The following LARGE1 variants were observed in gnomAD, a reference collection of about 807,000 sequenced individuals.
LARGE1 encodes the protein xylosyl- and glucuronyltransferase LARGE1.
In LARGE1, 43 loss-of-function variants were observed where a neutral mutation model predicts 87.6. That is an observed-to-expected ratio of 0.49 (90% CI 0.38 to 0.63). LARGE1 has a LOEUF of 0.63. Ranked by LOEUF, LARGE1 falls within the 30% of genes least tolerant of loss-of-function variation. LARGE1 has a pLI of 0.00. For missense variants in LARGE1, 802 were observed against 1,000.2 expected, an observed-to-expected ratio of 0.80 and a Z score of 2.67; for synonymous variants, 434 against 394.6, an observed-to-expected ratio of 1.10 and a Z score of -1.18.
At chr22:33,251,875 G>A (rs1326953665) in intron 11 of LARGE1, among the ~76,000 whole-genome samples, 1 of 152,146 alleles carries the variant, frequency 6.6e-6, no homozygotes, top group Non-Finnish European at 1.5e-5. Flanking sequence ...TGTCTATGGT[G>A]ATCTACCCAG....
the LARGE1 span, among the ~76,000 whole-genome samples, chr22:33,131,015 C>A: frequency 8.9e-6 from 1 of 112,232 alleles, no homozygotes; most frequent in Non-Finnish European, 1.7e-5. Flanking sequence ...GCCTGGGCGA[C>A]AGAGCAAGAC....
In LARGE1 at chr22:33,273,396, C is replaced by T. The variant is rs563082366; in HGVS notation, c.*1031G>A. On this transcript the variant is annotated 3_prime_UTR_variant, in exon 15 of 15. Coordinates refer to ENST00000397394, the MANE Select transcript of LARGE1 (RefSeq NM_133642.5). ...CTTCCTGTAGGTCTCCAGATGGATA[C>T]GTGAATCTTCAGAACTGGGCTTTCA... The T allele has an allele frequency of 1.5e-5, 6 of 398,642 alleles. No homozygotes were observed. The highest frequency in any genetic ancestry group is 4.4e-5 in the Admixed American group (1 of 22,714). The allele number at this position is 398,642 out of a possible 1,614,324, so 24.7% of individuals were successfully genotyped here.
chr22:33,237,729 A>G (rs1926322338), intron 11 of LARGE1, among the ~76,000 whole-genome samples: 1 of 152,200 alleles, frequency 6.6e-6, no homozygotes, highest in Non-Finnish European at 1.5e-5. Context: ...CTCTTCAGGC[A>G]GGTGTGGGTT....
At chr22:33,541,054 C>CGGGGGGGGGGGGGGGGGGGGGGGGGGG (rs57583473) in intron 6 of LARGE1, among the ~76,000 whole-genome samples, 1 of 13,720 alleles carries the variant, frequency 7.3e-5, no homozygotes, top group Non-Finnish European at 1.7e-4. Context: ...TGGTGGGTTG[C>CGGGGGGGGGGGGGGGGGGGGGGGGGGG]GGGGGGGGGG....
At chr22:33,091,721 G>T in the LARGE1 span, among the ~76,000 whole-genome samples, 378 of 152,308 alleles carry the variant, frequency 2.5e-3, 3 homozygotes, top group African/African-American at 8.9e-3. Flanking sequence ...GGTGTGAAAG[G>T]TGATTTAGTC....
At chr22:33,647,011 G>A (rs1184687009) in intron 3 of LARGE1, among the ~76,000 whole-genome samples, 4 of 152,234 alleles carry the variant, frequency 2.6e-5, no homozygotes, top group Admixed American at 6.5e-5. Flanking sequence ...TTATAGGCGT[G>A]AGCCACTGTG....
intron 7 of LARGE1, among the ~76,000 whole-genome samples, chr22:33,427,321 C>T (rs1198884215): frequency 2.6e-5 from 4 of 152,126 alleles, no homozygotes; most frequent in African/African-American, 9.7e-5. Context: ...GTTATCCATC[C>T]GAAGCTGCGG....
In LARGE1 at chr22:33,735,422, G is replaced by A. The variant is rs569690346; in HGVS notation, c.106+25949C>T. Among the ~76,000 whole-genome samples, 4 of 152,258 alleles carry A rather than the reference G, an allele frequency of 2.6e-5. No individual in the cohort carries two copies. The East Asian group carries it at 7.7e-4, about 29-fold the overall frequency. On this transcript the variant is annotated intron_variant, in intron 2 of 14. Coordinates refer to ENST00000397394, the MANE Select transcript of LARGE1 (RefSeq NM_133642.5). The stretch of plus-strand genomic sequence containing the variant: ...TGCACACCTTAATAAACTTCTGTTT[G>A]ATTTTCTCCTGTTAATCTATCTTTT...
rs527760566 is a variant in LARGE1, at chr22:33,508,337, A to C, written c.787+56511T>G. Among the ~76,000 whole-genome samples, 8 of 152,358 alleles carry C rather than the reference A, an allele frequency of 5.3e-5. No individual in the cohort carries two copies. The East Asian group carries it at 1.5e-3, about 29-fold the overall frequency. On this transcript the variant is annotated intron_variant, in intron 6 of 14. Coordinates refer to ENST00000397394, the MANE Select transcript of LARGE1 (RefSeq NM_133642.5). ...ACAATCACTGCCAACTTCAAGGAGCACATGGATCAAAGGCAGCCTTTCTCC... is the reference window on the plus strand; with the variant it reads ...ACAATCACTGCCAACTTCAAGGAGCCCATGGATCAAAGGCAGCCTTTCTCC...
At chr22:33,089,314 T>TTTC in the LARGE1 span, among the ~76,000 whole-genome samples, 16,563 of 115,344 alleles carry the variant, frequency 0.14, 1,540 homozygotes, top group Non-Finnish European at 0.2. Context: ...CTTCTTCTTC[T>TTTC]TTCTTCTTTC....
chr22:33,546,371 T>C (rs1350972455), intron 6 of LARGE1, among the ~76,000 whole-genome samples: 1 of 152,140 alleles, frequency 6.6e-6, no homozygotes, highest in Non-Finnish European at 1.5e-5. Flanking sequence ...CAGGTGGAGA[T>C]CTCCAGCCAA....
At chr22:33,228,444 A>G (rs1206137654) in intron 11 of LARGE1, among the ~76,000 whole-genome samples, 1 of 152,230 alleles carries the variant, frequency 6.6e-6, no homozygotes, top group Non-Finnish European at 1.5e-5. Flanking sequence ...TATGGAAGCT[A>G]CCCTTAAGTG....
chr22:33,663,176 T>A (rs540230246), intron 2 of LARGE1, among the ~76,000 whole-genome samples: 2 of 152,290 alleles, frequency 1.3e-5, no homozygotes, highest in South Asian at 4.1e-4. Context: ...GAAGATTTCA[T>A]CAGGAGTTCA....
At chr22:33,793,314 G>T (rs2085881516) in intron 1 of LARGE1, among the ~76,000 whole-genome samples, 5 of 152,106 alleles carry the variant, frequency 3.3e-5, no homozygotes, top group Non-Finnish European at 7.4e-5. Flanking sequence ...TCTGATAAAA[G>T]ATACTAGACT....
At chr22:33,728,237 A>G (rs186699881) in intron 2 of LARGE1, among the ~76,000 whole-genome samples, 5 of 151,980 alleles carry the variant, frequency 3.3e-5, no homozygotes, top group East Asian at 1.9e-4. Context: ...TTATCCCACA[A>G]ATTAAAAAAT....
At chr22:33,262,121 G>C (rs1003774722) in intron 11 of LARGE1, among the ~76,000 whole-genome samples, 1 of 152,218 alleles carries the variant, frequency 6.6e-6, no homozygotes, top group Non-Finnish European at 1.5e-5. Context: ...AAGACGGGCA[G>C]GATTTCTTCC....
intron 9 of LARGE1, among the ~76,000 whole-genome samples, chr22:33,364,359 T>C (rs1368024847): frequency 2.0e-5 from 3 of 152,196 alleles, no homozygotes; most frequent in Non-Finnish European, 4.4e-5. Context: ...GTCCGGCCTA[T>C]TTTCATTCTT....
chr22:33,313,368 T>C (rs562929947), intron 11 of LARGE1, among the ~76,000 whole-genome samples: 1 of 152,144 alleles, frequency 6.6e-6, no homozygotes, highest in Non-Finnish European at 1.5e-5. Flanking sequence ...TGGGCTCTCA[T>C]AGAATCGGTG....
intron 6 of LARGE1, among the ~76,000 whole-genome samples, chr22:33,486,530 CAG>C (rs3831695): frequency 0.25 from 36,964 of 149,666 alleles, 4,828 homozygotes; most frequent in African/African-American, 0.34. Context: ...GAGAGAGAGA[CAG>C]AGAGAGAGAG....
Sources: gnomAD v4.1 joint callset for allele counts (sites outside exome capture counted in the v4.1 genomes callset) on GRCh38, gnomAD v4.1.1 for gene constraint, MANE v1.5 for transcripts, NCBI Gene and HGNC (gene_info 2026-07-23, HGNC 2026-07-21) for gene names.